Variants in RPRD2 observed in about 807,000 individuals in gnomAD.
RPRD2 encodes the protein regulation of nuclear pre-mRNA domain containing 2, also known as regulation of nuclear pre-mRNA domain-containing protein 2.
RPRD2 carries 12 observed loss-of-function variants against 104.4 expected under a neutral mutation model. That is an observed-to-expected ratio of 0.11 (90% CI 0.07 to 0.19). The LOEUF (loss-of-function observed/expected upper bound fraction) is 0.19. RPRD2 is among the 10% of genes least tolerant of loss of function. The pLI is 1.00. For synonymous variants in RPRD2, 714 were observed against 684.9 expected (o/e 1.04, Z -0.66); for missense variants, 1,543 against 1,790.1 (o/e 0.86, Z 2.49).
At chr1:150,367,870 G>A (rs918893229) in intron 1 of RPRD2, among the ~76,000 whole-genome samples, 11 of 151,720 alleles carry the variant, frequency 7.3e-5, no homozygotes, top group Admixed American at 6.6e-4. Context: ...TTACAGGCAC[G>A]CACCACCACG....
chr1:150,395,772 G>C (rs1405724285), intron 1 of RPRD2, among the ~76,000 whole-genome samples: 3 of 152,184 alleles, frequency 2.0e-5, no homozygotes, highest in African/African-American at 7.2e-5. Flanking sequence ...GCCTCCCAAA[G>C]TGCTGGGATT....
At chr1:150,389,119 C>G (rs1553882740) in intron 1 of RPRD2, among the ~76,000 whole-genome samples, 1 of 152,144 alleles carries the variant, frequency 6.6e-6, no homozygotes, top group East Asian at 1.9e-4. Context: ...TCACTGCAGC[C>G]TCGACCTCTC....
intron 7 of RPRD2, among the ~76,000 whole-genome samples, chr1:150,456,934 AAAG>A (rs1264417592): frequency 4.0e-5 from 6 of 151,226 alleles, no homozygotes; most frequent in Non-Finnish European, 5.9e-5. Context: ...TCAAAAAAAA[AAAG>A]AAGAGGCTGG....
intron 2 of RPRD2, among the ~76,000 whole-genome samples, chr1:150,427,483 A>G (rs111255987): frequency 0.22 from 33,585 of 151,402 alleles, 4,251 homozygotes; most frequent in African/African-American, 0.32. Flanking sequence ...AAAAAAAAAA[A>G]AAAAGAAAAG....
At chr1:150,377,477 A>T (rs988005436) in intron 1 of RPRD2, among the ~76,000 whole-genome samples, 13 of 151,940 alleles carry the variant, frequency 8.6e-5, no homozygotes, top group Non-Finnish European at 1.5e-5. Flanking sequence ...GGGCGCCTGT[A>T]GTCCCAGCTA....
rs771684155 is a variant in RPRD2 at position 150,470,692 on chromosome 1, G to A, written c.1744G>A (p.Ala582Thr). The change falls in exon 11 of 11, where the codon GCC becomes ACC. Residue 582 changes from alanine (A) to threonine (T), a missense_variant. This residue lies in a region of RPRD2 where 572 missense variants were observed against 787.3 expected (regional missense o/e 0.73). Transcript: ENST00000369068. ...AAAGGGAAGAAATCTGCCCTCCAGT[G>A]CCCAACCTTTTATTCCCAAAAGCTT... ...TIKGRNLPSS[A>T]QPFIPKSFNY... The A allele has an allele frequency of 1.3e-5, 21 of 1,613,996 alleles. No homozygotes were observed. In the East Asian group the frequency reaches 1.8e-4, roughly 14 times the overall value.
chr1:150,458,638 A>G (rs1321605953), intron 8 of RPRD2, among the ~76,000 whole-genome samples: 1 of 152,102 alleles, frequency 6.6e-6, no homozygotes, highest in African/African-American at 2.4e-5. Context: ...GTTTCTTTTT[A>G]TTTGTTTGTT....
At chr1:150,447,025 G>A (rs1553895694) in intron 7 of RPRD2, among the ~76,000 whole-genome samples, 1 of 151,960 alleles carries the variant, frequency 6.6e-6, no homozygotes, top group South Asian at 2.1e-4. Context: ...TAGTAGAGAC[G>A]AGGTTTCTCC....
intron 2 of RPRD2, among the ~76,000 whole-genome samples, chr1:150,420,232 T>C (rs1560187441): frequency 6.6e-6 from 1 of 152,188 alleles, no homozygotes; most frequent in Non-Finnish European, 1.5e-5. Flanking sequence ...TGGATTAATA[T>C]ACAGTTGCCA....
chr1:150,392,695 T>C (rs1347800313), intron 1 of RPRD2, among the ~76,000 whole-genome samples: 4 of 151,926 alleles, frequency 2.6e-5, no homozygotes, highest in Non-Finnish European at 5.9e-5. Flanking sequence ...AAATAAAAAA[T>C]AGCTGGGCCT....
intron 1 of RPRD2, among the ~76,000 whole-genome samples, chr1:150,404,196 A>G (rs1663285880): frequency 6.6e-6 from 1 of 152,204 alleles, no homozygotes; most frequent in Non-Finnish European, 1.5e-5. Flanking sequence ...GTGGTTAAAT[A>G]TTAGTTTGAA....
At chr1:150,460,394 GGTTGTTGTTGTTGTT>G in intron 9 of RPRD2, 77 bp downstream of exon 9, 2 of 1,081,778 alleles carry the variant, frequency 1.8e-6, no homozygotes, top group Non-Finnish European at 1.3e-6. Flanking sequence ...TTTTTGGGGG[GGTTGTTGTTGTTGTT>G]GTTGTTGTTG....
chr1:150,408,567 A>G (rs1572414319), intron 1 of RPRD2, among the ~76,000 whole-genome samples: 1 of 152,198 alleles, frequency 6.6e-6, no homozygotes, highest in East Asian at 1.9e-4. Context: ...ATTTACAGAC[A>G]TGTACTTATC....
chr1:150,460,949 T>TTC (rs1667894683), intron 9 of RPRD2, among the ~76,000 whole-genome samples: 1 of 151,318 alleles, frequency 6.6e-6, no homozygotes, highest in Non-Finnish European at 1.5e-5. Context: ...GGTCTCAAAC[T>TTC]CCTGACCTCA....
intron 1 of RPRD2, among the ~76,000 whole-genome samples, chr1:150,382,050 C>T (rs1437604998): frequency 2.6e-5 from 4 of 152,102 alleles, no homozygotes; most frequent in Non-Finnish European, 4.4e-5. Flanking sequence ...GAAAATTCAG[C>T]AAATGATAAC....
intron 2 of RPRD2, 38 bp from the exon 3 acceptor site, chr1:150,440,885 G>C: frequency 1.0e-6 from 1 of 1,000,426 alleles, no homozygotes; most frequent in Non-Finnish European, 1.5e-6. Flanking sequence ...TAGAAGTCAA[G>C]GTTTTTATAG....
At chr1:150,381,139 T>C (rs1661095930) in intron 1 of RPRD2, among the ~76,000 whole-genome samples, 2 of 152,074 alleles carry the variant, frequency 1.3e-5, no homozygotes. Context: ...AGTGCTGTAA[T>C]TGTCAGGGTG....
intron 2 of RPRD2, among the ~76,000 whole-genome samples, chr1:150,438,863 T>C (rs1179894302): frequency 1.3e-5 from 2 of 151,084 alleles, no homozygotes; most frequent in African/African-American, 2.4e-5. Context: ...TTAAACGGAG[T>C]CTCACTCTGT....
chr1:150,472,953 C>T lies in RPRD2; in HGVS notation c.4005C>T (p.Thr1335=). Reference sequence around the variant, plus strand: ...ACCATAGTTCCCTCCTTCAAGGGACCCTGGCTGAGCATTTTGGGGTACTCC... The same window carrying T: ...ACCATAGTTCCCTCCTTCAAGGGACTCTGGCTGAGCATTTTGGGGTACTCC... ...PKDHSSLLQG[T]LAEHFGVLPG... Residue 1335 remains threonine, a synonymous_variant, in exon 11 of 11, where the codon ACC becomes ACT. Transcript: ENST00000369068. 1 of 1,613,850 alleles carries T rather than the reference C, an allele frequency of 6.2e-7. No individual in the cohort carries two copies. Among genetic ancestry groups the T allele is most frequent in the Middle Eastern group, 1.7e-4 (1 of 6,058 alleles).
Sources: allele counts gnomAD v4.1 joint callset (sites outside exome capture counted in the v4.1 genomes callset), GRCh38; gene constraint gnomAD v4.1.1; regional missense constraint gnomAD v4.1.1; transcripts MANE v1.5; gene names NCBI Gene and HGNC (gene_info 2026-07-23, HGNC 2026-07-21).